Variants in MEPE observed in about 807,000 individuals in gnomAD.
MEPE encodes the protein matrix, extracellular phosphoglycoprotein with ASARM motif (bone).
In MEPE, 7 loss-of-function variants were observed where a neutral mutation model predicts 7.3. That is an observed-to-expected ratio of 0.95 (90% confidence interval 0.54 to 1.79). The LOEUF is 1.79. MEPE is among the 40% of genes most tolerant of loss of function. The probability of loss-of-function intolerance (pLI) is 0.00; values close to 1 mark genes in which losing one functional copy is unlikely to be tolerated. For synonymous variants in MEPE, 214 were observed against 213.1 expected, an observed-to-expected ratio of 1.00 and a Z score of -0.04; for missense variants, 623 against 628.2, an observed-to-expected ratio of 0.99 and a Z score of 0.09.
upstream of MEPE, among the ~76,000 whole-genome samples, chr4:87,829,819 C>T (rs1035487693): frequency 2.7e-5 from 4 of 149,400 alleles, no homozygotes; most frequent in Admixed American, 2.7e-4. Context: ...TCTTTCCTTC[C>T]TTGACTTCCA....
At chr4:87,840,153 T>A in intron 3 of MEPE, 3 of 1,370,196 alleles carry the variant, frequency 2.2e-6, no homozygotes, top group African/African-American at 1.5e-5. Context: ...ATGGTGGGGA[T>A]CTCAGCAGGG....
rs746864984 is a variant in MEPE at position 87,845,627 on chromosome 4, TC to T, written c.761del (p.Pro254LeufsTer23). 6.2e-7 allele frequency: 1 copy of T among 1,613,894 alleles called. No homozygotes were observed. The highest frequency in any genetic ancestry group is 8.5e-7 in the Non-Finnish European group (1 of 1,179,952). The part of the protein sequence containing the change: ...LQERGDNDIS[P>X]FSGDGQPFKD... ...AAGAGAGAGGGGACAATGATATATC[TC>T]CTTTCAGTGGGGACGGCCAACCTTT... On this transcript the variant is annotated frameshift_variant, in exon 4 of 4. Transcript: ENST00000361056. LOFTEE classifies it low-confidence loss of function (END_TRUNC).
chr4:87,843,337 CTGTT>C (rs1723086162), intron 3 of MEPE, among the ~76,000 whole-genome samples: 1 of 152,168 alleles, frequency 6.6e-6, no homozygotes, highest in Non-Finnish European at 1.5e-5. Flanking sequence ...CTCCGGCACT[CTGTT>C]TGTCTGTGCA....
chr4:87,830,730 T>G (rs762422579), upstream of MEPE, among the ~76,000 whole-genome samples: 1 of 150,720 alleles, frequency 6.6e-6, no homozygotes, highest in Admixed American at 6.6e-5. Flanking sequence ...CAAACCTAAA[T>G]AAAAATTTTT....
upstream of MEPE, among the ~76,000 whole-genome samples, chr4:87,830,888 T>C (rs1336274624): frequency 6.6e-6 from 1 of 152,030 alleles, no homozygotes; most frequent in African/African-American, 2.4e-5. Context: ...GTAGAACTTA[T>C]GAAATACTGT....
At chr4:87,842,915 T>C (rs55816875) in intron 3 of MEPE, among the ~76,000 whole-genome samples, 4,340 of 152,268 alleles carry the variant, frequency 0.029, 204 homozygotes, top group African/African-American at 0.097. Context: ...TGGGACACAC[T>C]AAGAGCCTGT....
At chr4:87,842,510 C>T (rs558298079) in intron 3 of MEPE, among the ~76,000 whole-genome samples, 7 of 152,086 alleles carry the variant, frequency 4.6e-5, no homozygotes, top group Non-Finnish European at 7.4e-5. Flanking sequence ...ATGGATGCCC[C>T]GTGCTTGGGG....
intron 3 of MEPE, among the ~76,000 whole-genome samples, chr4:87,843,773 ACTCCCC>A (rs1723101821): frequency 6.6e-6 from 1 of 151,774 alleles, no homozygotes; most frequent in African/African-American, 2.4e-5. Context: ...TCAGATCCTC[ACTCCCC>A]CTCCTTCTCC....
At chr4:87,841,098 C>T (rs1722997594) in intron 3 of MEPE, among the ~76,000 whole-genome samples, 1 of 152,092 alleles carries the variant, frequency 6.6e-6, no homozygotes, top group African/African-American at 2.4e-5. Flanking sequence ...AAAATGCACA[C>T]AATTCATTAG....
chr4:87,840,700 G>A (rs1443677722), intron 3 of MEPE, among the ~76,000 whole-genome samples: 9 of 152,150 alleles, frequency 5.9e-5, no homozygotes, highest in Middle Eastern at 3.4e-3. Flanking sequence ...GAGTAGTACC[G>A]AGAAGAAAAA....
intron 3 of MEPE, among the ~76,000 whole-genome samples, chr4:87,843,985 A>T (rs1723110149): frequency 6.6e-6 from 1 of 152,154 alleles, no homozygotes; most frequent in Admixed American, 6.5e-5. Flanking sequence ...ATAGCTTAGG[A>T]TTCACTTAGT....
In MEPE at chr4:87,844,721, G is replaced by A. The variant is rs17013282; in HGVS notation, c.109-256G>A. 5.5e-3 allele frequency among the ~76,000 whole-genome samples: 836 copies of A among 152,084 alleles called. 65 individuals are homozygous for A. The East Asian group carries it at 0.14, about 26-fold the overall frequency. On this transcript the variant is annotated intron_variant, in intron 3 of 3. Transcript: ENST00000361056. ...CTGTTTCCAAACAATTGAATATGCC[G>A]CTTATTCTTAAAATATTCTCACAAT...
At chr4:87,831,552 A>C (rs933785524), upstream of MEPE, among the ~76,000 whole-genome samples, 13 of 152,080 alleles carry the variant, frequency 8.5e-5, no homozygotes, top group African/African-American at 3.1e-4. Flanking sequence ...AGCCTCCATC[A>C]TCTCTGGCTG....
chr4:87,821,626 TG>T (rs2109985270), intron 1 of MEPE, among the ~76,000 whole-genome samples: 2 of 152,362 alleles, frequency 1.3e-5, no homozygotes, highest in East Asian at 3.9e-4. Flanking sequence ...GTGCTGTTTT[TG>T]GTCATTGTTG....
At chr4:87,840,893 G>C (rs571937087) in intron 3 of MEPE, among the ~76,000 whole-genome samples, 35 of 152,226 alleles carry the variant, frequency 2.3e-4, no homozygotes, top group African/African-American at 7.5e-4. Context: ...CAGAAAAGCA[G>C]AGCACAGAAA....
chr4:87,840,551 C>T (rs938648251), intron 3 of MEPE, among the ~76,000 whole-genome samples: 2 of 152,088 alleles, frequency 1.3e-5, no homozygotes, highest in African/African-American at 4.8e-5. Context: ...GAGTTCTTAA[C>T]TGGTGTGTAA....
In MEPE at chr4:87,846,719, T is replaced by C. The variant is rs934273768; in HGVS notation, c.*273T>C. On this transcript the variant is annotated 3_prime_UTR_variant, in exon 4 of 4. Transcript: ENST00000361056. ...TGAGTAGGTGTCATTTAAAAATAGT[T>C]GGTGAATGTCACAAATGCCTTCTAT... The C allele has an allele frequency of 5.4e-6, 2 of 366,984 alleles. No individual in the cohort carries two copies. Among genetic ancestry groups the C allele is most frequent in the East Asian group, 9.0e-5 (2 of 22,212 alleles). 22.7% of individuals were successfully genotyped at this position (366,984 alleles called of 1,614,324 possible). A position where few individuals can be genotyped will look rare whatever the true frequency, so the allele number is the denominator to read the frequency against.
intron 1 of MEPE, among the ~76,000 whole-genome samples, chr4:87,834,475 T>C (rs191412927): frequency 6.6e-6 from 1 of 152,366 alleles, no homozygotes; most frequent in East Asian, 1.9e-4. Flanking sequence ...TTAATGATAT[T>C]GAATAATTTT....
chr4:87,835,403 TGTTA>T lies in MEPE; in HGVS notation c.54+640_54+643del, dbSNP rs547489713. Among the ~76,000 whole-genome samples the T allele has an allele frequency of 4.9e-4, 74 of 152,330 alleles. No homozygotes were observed. In the South Asian group the frequency reaches 0.015, roughly 31 times the overall value. ...CAAATTATCTTGTGAAAATGCTGAG[TGTTA>T]GTTATTTTCTGCAATGCAGACACAG... On this transcript the variant is annotated intron_variant, in intron 2 of 3. Transcript: ENST00000361056.
Sources: allele counts gnomAD v4.1 joint callset (sites outside exome capture counted in the v4.1 genomes callset), GRCh38; gene constraint gnomAD v4.1.1; transcripts MANE v1.5; gene names NCBI Gene and HGNC (gene_info 2026-07-23, HGNC 2026-07-21).